The following SLC9A2 variants were observed in gnomAD, a reference collection of about 807,000 sequenced individuals.
SLC9A2 encodes the protein solute carrier family 9 member A2, also known as sodium/hydrogen exchanger 2.
In SLC9A2, 42 loss-of-function variants were observed where a neutral mutation model predicts 71.7. The observed-to-expected ratio is 0.59, with a 90% CI of 0.46 to 0.76. SLC9A2 has a LOEUF of 0.76. SLC9A2 is among the 30% of genes least tolerant of loss of function. The pLI, the probability that SLC9A2 is intolerant of heterozygous loss-of-function variation, is 0.00. For synonymous variants in SLC9A2, 396 were observed against 392.5 expected, an observed-to-expected ratio of 1.01 and a Z score of -0.10; for missense variants, 829 against 1,017.4, an observed-to-expected ratio of 0.81 and a Z score of 2.52.
chr2:102,631,665 C>T (rs1676358897), intron 1 of SLC9A2, among the ~76,000 whole-genome samples: 1 of 151,924 alleles, frequency 6.6e-6, no homozygotes, highest in Non-Finnish European at 1.5e-5. Context: ...GACATACTTT[C>T]TATAGAAGGC....
At chr2:102,698,368 C>T (rs1156280786) in intron 7 of SLC9A2, among the ~76,000 whole-genome samples, 1 of 152,192 alleles carries the variant, frequency 6.6e-6, no homozygotes, top group Admixed American at 6.5e-5. Flanking sequence ...CTATAAACCT[C>T]CTTGGGCTTG....
intron 1 of SLC9A2, among the ~76,000 whole-genome samples, chr2:102,632,995 G>C (rs1244353624): frequency 1.3e-5 from 2 of 152,190 alleles, no homozygotes; most frequent in Non-Finnish European, 2.9e-5. Context: ...AACCTGAGCA[G>C]GGTAATGCAA....
intron 1 of SLC9A2, among the ~76,000 whole-genome samples, chr2:102,629,386 A>G (rs1057129837): frequency 6.6e-6 from 1 of 151,902 alleles, no homozygotes; most frequent in African/African-American, 2.4e-5. Flanking sequence ...CTTTTTTTCC[A>G]TATCTGTTTT....
At chr2:102,628,619 T>C (rs1180234111) in intron 1 of SLC9A2, among the ~76,000 whole-genome samples, 1 of 152,138 alleles carries the variant, frequency 6.6e-6, no homozygotes, top group Non-Finnish European at 1.5e-5. Flanking sequence ...CAGCTCTCGG[T>C]ATTTTTAAAC....
In SLC9A2 at chr2:102,710,670, TC is replaced by T. The variant is rs1678090199; in HGVS notation, c.*2182del. 2 of 152,310 alleles carry T rather than the reference TC, an allele frequency of 1.3e-5. No homozygotes were observed. Among genetic ancestry groups the T allele is most frequent in the Admixed American group, 1.3e-4 (2 of 15,284 alleles). The allele number at this position is 152,310 out of a possible 1,614,324, so 9.4% of individuals were successfully genotyped here. On this transcript the variant is annotated 3_prime_UTR_variant, in exon 12 of 12. Transcript: ENST00000233969. ...AAATAAATTTGACTTTAGCTTTTTT[TC>T]TATACTTTCCTCTTTTTGTAATTCT...
intron 2 of SLC9A2, among the ~76,000 whole-genome samples, chr2:102,663,873 C>T (rs1160001278): frequency 6.6e-6 from 1 of 152,164 alleles, no homozygotes; most frequent in African/African-American, 2.4e-5. Flanking sequence ...CCATGACTTT[C>T]CATTTCAGTT....
chr2:102,634,121 A>G (rs755378920), intron 1 of SLC9A2, among the ~76,000 whole-genome samples: 36 of 152,250 alleles, frequency 2.4e-4, no homozygotes, highest in Non-Finnish European at 4.9e-4. Context: ...TTTTCACCAC[A>G]CTTTAATGAT....
chr2:102,679,121 G>A (rs1299288894), intron 3 of SLC9A2, among the ~76,000 whole-genome samples: 1 of 152,108 alleles, frequency 6.6e-6, no homozygotes, highest in East Asian at 1.9e-4. Context: ...GTGCCTCAGT[G>A]CCACAGACAT....
intron 7 of SLC9A2, among the ~76,000 whole-genome samples, chr2:102,700,096 A>G (rs1677844982): frequency 6.6e-6 from 1 of 152,186 alleles, no homozygotes; most frequent in African/African-American, 2.4e-5. Context: ...AGAATCCAGG[A>G]TGACACCAGG....
At chr2:102,653,331 A>G (rs1303167445) in intron 1 of SLC9A2, among the ~76,000 whole-genome samples, 2 of 152,100 alleles carry the variant, frequency 1.3e-5, no homozygotes, top group African/African-American at 4.8e-5. Flanking sequence ...AAACCATCTT[A>G]TTTTTTTCAA....
chr2:102,662,380 G>A (rs1677065653), intron 2 of SLC9A2, among the ~76,000 whole-genome samples: 1 of 152,222 alleles, frequency 6.6e-6, no homozygotes, highest in Admixed American at 6.5e-5. Context: ...GGACTAGGGT[G>A]TAGAGATGAG....
At chr2:102,671,127 G>A (rs927316222) in intron 3 of SLC9A2, among the ~76,000 whole-genome samples, 3 of 152,188 alleles carry the variant, frequency 2.0e-5, no homozygotes, top group Admixed American at 1.3e-4. Flanking sequence ...GTCCTGAAGT[G>A]TAAAGAAGAG....
At chr2:102,670,894 T>A (rs937447529) in intron 3 of SLC9A2, among the ~76,000 whole-genome samples, 20 of 149,398 alleles carry the variant, frequency 1.3e-4, no homozygotes, top group African/African-American at 4.8e-4. Context: ...CCTTTTGGTT[T>A]ACCCACACTT....
chr2:102,624,668 C>G lies in SLC9A2; in HGVS notation c.289+4531C>G, dbSNP rs529900719. ...GAGGTCTTGTGAGGCTGGCCTATTT[C>G]CATCTCCTTTCAAGTGTCACTGGTC... On this transcript the variant is annotated intron_variant, in intron 1 of 11. Coordinates refer to ENST00000233969, the MANE Select transcript of SLC9A2 (RefSeq NM_003048.6). Among the ~76,000 whole-genome samples the G allele has an allele frequency of 5.9e-5, 9 of 152,298 alleles. No homozygotes were observed. In the South Asian group the frequency reaches 1.9e-3, roughly 32 times the overall value.
At chr2:102,655,399 C>A (rs990067137) in intron 1 of SLC9A2, among the ~76,000 whole-genome samples, 4 of 152,162 alleles carry the variant, frequency 2.6e-5, no homozygotes, top group African/African-American at 9.7e-5. Context: ...GATGATCCAC[C>A]TGCCTCGGCC....
intron 3 of SLC9A2, among the ~76,000 whole-genome samples, chr2:102,668,145 TTAAA>T (rs2104528154): frequency 6.6e-6 from 1 of 152,270 alleles, no homozygotes; most frequent in East Asian, 1.9e-4. Flanking sequence ...AAATGGGTCC[TTAAA>T]TAAGATATTA....
At chr2:102,704,709 G>A (rs774299692) in intron 10 of SLC9A2, 34 bp downstream of exon 10, 5 of 1,597,078 alleles carry the variant, frequency 3.1e-6, no homozygotes, top group Admixed American at 3.4e-5. Flanking sequence ...AGACTTCCAG[G>A]GGTGGAGCCG....
chr2:102,702,765 G>T (rs1207389342), intron 9 of SLC9A2, among the ~76,000 whole-genome samples: 5 of 152,170 alleles, frequency 3.3e-5, no homozygotes, highest in Non-Finnish European at 4.4e-5. Flanking sequence ...TAATTTTAAA[G>T]AAATGAATTG....
At position 102,682,477 on chromosome 2, in the gene SLC9A2, T is replaced by A. The variant is rs896247331; in HGVS notation, c.1005-784T>A. Reference sequence around the variant, plus strand: ...GGAAGTGTGTGAAGAGCTTCAGGAGTGTGGACTTGACCCTGGAGCCCTTCC... The same window carrying A: ...GGAAGTGTGTGAAGAGCTTCAGGAGAGTGGACTTGACCCTGGAGCCCTTCC... On this transcript the variant is annotated intron_variant, in intron 3 of 11. Transcript: ENST00000233969. Among the ~76,000 whole-genome samples, 5 of 151,998 alleles carry A rather than the reference T, an allele frequency of 3.3e-5. No individual in the cohort carries two copies. The East Asian group carries it at 7.7e-4, about 23-fold the overall frequency.
Sources: gnomAD v4.1 joint callset for allele counts (sites outside exome capture counted in the v4.1 genomes callset) on GRCh38, gnomAD v4.1.1 for gene constraint, MANE v1.5 for transcripts, NCBI Gene and HGNC (gene_info 2026-07-23, HGNC 2026-07-21) for gene names.